The following DENND1A variants were observed in gnomAD, a reference collection of about 807,000 sequenced individuals.
The protein encoded by DENND1A is DENN domain containing 1A.
In DENND1A, 51 loss-of-function variants were observed where a neutral mutation model predicts 113.7. The observed-to-expected ratio is 0.45, with a 90% CI of 0.36 to 0.57. The LOEUF is 0.57. Among genes scored for constraint, DENND1A ranks in the 20% least tolerant of loss-of-function variants. The pLI, the probability that DENND1A is intolerant of heterozygous loss-of-function variation, is 0.00. For missense variants in DENND1A, 1,258 were observed against 1,395.9 expected (o/e 0.90, Z 1.57); for synonymous variants, 565 against 570.8 (o/e 0.99, Z 0.14).
intron 13 of DENND1A, among the ~76,000 whole-genome samples, chr9:123,499,214 A>G (rs2052242808): frequency 6.6e-6 from 1 of 151,680 alleles, no homozygotes; most frequent in Admixed American, 6.6e-5. Flanking sequence ...TTGTATTTTT[A>G]GTAGAGAGGG....
chr9:123,588,633 A>ACGGGGGGGG (rs1554894950), intron 11 of DENND1A, among the ~76,000 whole-genome samples: 19 of 86,464 alleles, frequency 2.2e-4, no homozygotes, highest in African/African-American at 7.7e-4. Context: ...AAAAAAAAAA[A>ACGGGGGGGG]GGGGGGGGGG....
intron 12 of DENND1A, among the ~76,000 whole-genome samples, chr9:123,580,497 C>G (rs2058836479): frequency 6.6e-6 from 1 of 152,376 alleles, no homozygotes; most frequent in African/African-American, 2.4e-5. Flanking sequence ...AGGGTCAGAG[C>G]AGTGCAGGTG....
Position 123,779,448 on chromosome 9 carries a change from T to C in DENND1A, c.133-9885A>G, listed in dbSNP as rs1258182910. On this transcript the variant is annotated intron_variant, in intron 3 of 23. Coordinates refer to ENST00000394215, the MANE Select transcript of DENND1A (RefSeq NM_001352964.2). ...GGTAAATGACTCTCAAATTCAAGTG[T>C]TCACTTCTGAACTACCTCTCCAGCT... 2.0e-5 allele frequency among the ~76,000 whole-genome samples: 3 copies of C among 152,298 alleles called. No individual in the cohort carries two copies. In the East Asian group the frequency reaches 5.8e-4, roughly 29 times the overall value.
intron 2 of DENND1A, among the ~76,000 whole-genome samples, chr9:123,809,863 G>T (rs1342804431): frequency 1.3e-5 from 2 of 152,132 alleles, no homozygotes; most frequent in African/African-American, 4.8e-5. Context: ...TAGAGACAGG[G>T]TTTCACCACG....
At chr9:123,920,755 T>C (rs1856095132) in intron 1 of DENND1A, among the ~76,000 whole-genome samples, 2 of 151,234 alleles carry the variant, frequency 1.3e-5, no homozygotes, top group African/African-American at 4.9e-5. Flanking sequence ...TTTTTTTTAG[T>C]AGAGATGGGG....
chr9:123,579,324 T>C, intron 12 of DENND1A, among the ~76,000 whole-genome samples: 1 of 152,240 alleles, frequency 6.6e-6, no homozygotes. Context: ...AACAGGTCTG[T>C]TTGATTTCAA....
intron 22 of DENND1A, among the ~76,000 whole-genome samples, chr9:123,385,517 C>T (rs1173907132): frequency 1.3e-5 from 2 of 152,118 alleles, no homozygotes; most frequent in African/African-American, 2.4e-5. Context: ...CTACGTCAGG[C>T]GGAGATGGTG....
In DENND1A at chr9:123,854,095, T is replaced by C. The variant is rs143987364; in HGVS notation, c.88+24856A>G. 7.2e-5 allele frequency among the ~76,000 whole-genome samples: 11 copies of C among 152,304 alleles called. No homozygotes were observed. The East Asian group carries it at 2.1e-3, about 29-fold the overall frequency. On this transcript the variant is annotated intron_variant, in intron 2 of 23. Coordinates refer to ENST00000394215, the MANE Select transcript of DENND1A (RefSeq NM_001352964.2). ...GGGTGAAACAAATATTAGGCAGCAA[T>C]AACTGAGGCAGATGAAAGTATTTAC...
chr9:123,473,986 C>CTTTTTT (rs5900577), intron 13 of DENND1A, among the ~76,000 whole-genome samples: 2 of 70,710 alleles, frequency 2.8e-5, no homozygotes, highest in African/African-American at 4.6e-5. Flanking sequence ...TACTTTCTTT[C>CTTTTTT]TTTTTTTTTT....
intron 13 of DENND1A, among the ~76,000 whole-genome samples, chr9:123,519,761 C>A (rs2054237646): frequency 6.6e-6 from 1 of 152,106 alleles, no homozygotes; most frequent in Non-Finnish European, 1.5e-5. Context: ...CACTTCCTTG[C>A]CAGTGATGGG....
chr9:123,512,610 C>T (rs2053551721), intron 13 of DENND1A, among the ~76,000 whole-genome samples: 1 of 152,244 alleles, frequency 6.6e-6, no homozygotes, highest in East Asian at 1.9e-4. Context: ...GACAGAGCGT[C>T]ACAGACCTCC....
At chr9:123,702,146 A>AAAAT (rs539369453) in intron 5 of DENND1A, among the ~76,000 whole-genome samples, 154 of 152,326 alleles carry the variant, frequency 1.0e-3, no homozygotes, top group African/African-American at 3.4e-3. Flanking sequence ...GAAAAATACA[A>AAAAT]AAATAAATAA....
At chr9:123,874,744 T>A (rs1847190301) in intron 2 of DENND1A, among the ~76,000 whole-genome samples, 1 of 152,220 alleles carries the variant, frequency 6.6e-6, no homozygotes, top group Non-Finnish European at 1.5e-5. Context: ...TATATAACCA[T>A]CAGGTTGGCA....
intron 2 of DENND1A, among the ~76,000 whole-genome samples, chr9:123,819,748 C>T (rs553500601): frequency 3.9e-5 from 6 of 152,140 alleles, no homozygotes; most frequent in African/African-American, 7.2e-5. Context: ...ATGTTGTCCA[C>T]GCTGGTCTCA....
chr9:123,474,179 G>C (rs922194703), intron 13 of DENND1A, among the ~76,000 whole-genome samples: 1 of 151,938 alleles, frequency 6.6e-6, no homozygotes, highest in African/African-American at 2.4e-5. Context: ...ATTTTTAGTA[G>C]AGATGGGGTT....
intron 9 of DENND1A, among the ~76,000 whole-genome samples, chr9:123,650,194 T>C (rs1403897956): frequency 6.6e-6 from 1 of 152,202 alleles, no homozygotes. Flanking sequence ...ACTGCACGTA[T>C]GGTGTAAAAT....
At chr9:123,651,391 T>TACACACGTGCGCACATGCGCGC (rs2062645043) in intron 9 of DENND1A, among the ~76,000 whole-genome samples, 1 of 152,100 alleles carries the variant, frequency 6.6e-6, no homozygotes, top group African/African-American at 2.4e-5. Context: ...CACATGCACG[T>TACACACGTGCGCACATGCGCGC]ACACACGTGC....
At chr9:123,711,505 G>GTGTA (rs1554970624) in intron 5 of DENND1A, among the ~76,000 whole-genome samples, 4 of 62,564 alleles carry the variant, frequency 6.4e-5, no homozygotes, top group African/African-American at 3.6e-4. Flanking sequence ...ATATATATAT[G>GTGTA]TATATATGTA....
chr9:123,813,435 C>A (rs1590195645), intron 2 of DENND1A, among the ~76,000 whole-genome samples: 2 of 150,836 alleles, frequency 1.3e-5, no homozygotes, highest in Admixed American at 6.6e-5. Context: ...CCAGTAAATT[C>A]TCTCTCAAAT....
Sources: allele counts gnomAD v4.1 joint callset (sites outside exome capture counted in the v4.1 genomes callset), GRCh38; gene constraint gnomAD v4.1.1; transcripts MANE v1.5; gene names NCBI Gene and HGNC (gene_info 2026-07-23, HGNC 2026-07-21).